CYFIP1: variants seen among roughly 807,000 people sequenced by gnomAD.
CYFIP1 encodes cytoplasmic FMR1 interacting protein 1.
Under a neutral mutation model 163.5 loss-of-function variants are expected in CYFIP1, and 58 were observed. That is an observed-to-expected ratio of 0.35 (90% CI 0.29 to 0.44). CYFIP1 has a LOEUF of 0.44. Ranked by LOEUF, CYFIP1 falls within the 20% of genes least tolerant of loss-of-function variation. CYFIP1 has a pLI of 1.00. For synonymous variants in CYFIP1, 663 were observed against 660.7 expected (o/e 1.00, Z -0.05); for missense variants, 1,338 against 1,653.8 (o/e 0.81, Z 3.31).
rs575911227 is a variant in CYFIP1, at chr15:22,917,409, T to C, written c.1674+379A>G. ...GACCATGACACACGCAAGCAGCACC[T>C]CACAGTTTCCCACGCCCCATCTACA... On this transcript the variant is annotated intron_variant, in intron 15 of 30. Coordinates refer to ENST00000617928, the MANE Select transcript of CYFIP1 (RefSeq NM_014608.6). This position sits in a 1 kb window ranked among gnomAD's most constrained non-coding sequence, Gnocchi z 4.2. 6.9e-5 allele frequency: 52 copies of C among 753,612 alleles called. No individual in the cohort carries two copies. In the African/African-American group the frequency reaches 7.8e-4, roughly 11 times the overall value. The allele number at this position is 753,612 out of a possible 1,614,324, so 46.7% of individuals were successfully genotyped here.
chr15:22,910,687 A>C (rs754097602), intron 19 of CYFIP1, 50 bp downstream of exon 19: 4 of 1,605,662 alleles, frequency 2.5e-6, no homozygotes, highest in Non-Finnish European at 2.6e-6. Context: ...TGGGAATGTC[A>C]GATCAAATTA....
intron 22 of CYFIP1, among the ~76,000 whole-genome samples, chr15:22,900,824 T>G (rs2060372854): frequency 6.6e-6 from 1 of 152,026 alleles, no homozygotes; most frequent in African/African-American, 2.4e-5. Flanking sequence ...CAGTAATGGA[T>G]AATCCTTAGT....
rs551722117 is a variant in CYFIP1 at position 22,869,531 on chromosome 15, G to A, written c.*497C>T. ...GTCACGTTAGATTTTGTCACAACTG[G>A]ATTTAGTGGAAGCAGGGGAATCAAG... On this transcript the variant is annotated 3_prime_UTR_variant, in exon 31 of 31. Coordinates refer to ENST00000617928, the MANE Select transcript of CYFIP1 (RefSeq NM_014608.6). 6.6e-6 allele frequency: 1 copy of A among 152,360 alleles called. No individual in the cohort carries two copies. The highest frequency in any genetic ancestry group is 2.4e-5 in the African/African-American group (1 of 41,426). The allele number at this position is 152,360 out of a possible 1,614,324, so 9.4% of individuals were successfully genotyped here.
chr15:22,950,162 A>G lies in CYFIP1; in HGVS notation c.-6-2871T>C, dbSNP rs550334207. Among the ~76,000 whole-genome samples the G allele has an allele frequency of 3.3e-4, 51 of 152,338 alleles. 3 individuals carry two copies. The South Asian group carries it at 9.3e-3, about 28-fold the overall frequency. ...TGAATCGAAACACATTGATAATTAC[A>G]CTATCATAATAATCTAAAAACACCA... On this transcript the variant is annotated intron_variant, in intron 1 of 30. Transcript: ENST00000617928.
At chr15:22,960,892 G>C (rs926043153) in intron 1 of CYFIP1, among the ~76,000 whole-genome samples, 2 of 152,218 alleles carry the variant, frequency 1.3e-5, no homozygotes, top group Non-Finnish European at 2.9e-5. Flanking sequence ...TCCTACGGGG[G>C]CCCACGAACA....
intron 10 of CYFIP1, 105 bp downstream of exon 10, chr15:22,933,697 G>T: frequency 1.3e-6 from 1 of 773,334 alleles, no homozygotes. Context: ...TCCAGGCTGA[G>T]AATGTTAACA....
intron 3 of CYFIP1, among the ~76,000 whole-genome samples, chr15:22,946,351 G>A (rs1367128619): frequency 2.0e-5 from 3 of 151,766 alleles, no homozygotes; most frequent in Non-Finnish European, 4.4e-5. Flanking sequence ...CCATTAAAAT[G>A]CAGAACTAGC....
chr15:22,892,871 C>A lies in CYFIP1; in HGVS notation c.2676+19G>T. ...CATTATGAGCTTCAAGCTCGTAACA[C>A]GAACACATTGGAGCCTACCTTGGAT... On this transcript the variant is annotated intron_variant, in intron 23 of 30. Transcript: ENST00000617928. 1 of 1,587,972 alleles carries A rather than the reference C, an allele frequency of 6.3e-7. No individual in the cohort carries two copies. Among genetic ancestry groups the A allele is most frequent in the African/African-American group, 1.3e-5 (1 of 74,394 alleles).
At chr15:22,879,683 CGTT>C (rs2059693645) in intron 26 of CYFIP1, among the ~76,000 whole-genome samples, 1 of 149,658 alleles carries the variant, frequency 6.7e-6, no homozygotes. Flanking sequence ...AGTTTTATGA[CGTT>C]AACACAGAAA....
At chr15:22,979,130 C>CTATA (rs1435187808) in intron 1 of CYFIP1, among the ~76,000 whole-genome samples, 1 of 152,202 alleles carries the variant, frequency 6.6e-6, no homozygotes, top group African/African-American at 2.4e-5. Context: ...GGCACCGGCA[C>CTATA]TATATCCCTA....
intron 1 of CYFIP1, among the ~76,000 whole-genome samples, chr15:22,951,048 TCAGTA>T (rs1360840294): frequency 6.6e-6 from 1 of 152,196 alleles, no homozygotes; most frequent in Non-Finnish European, 1.5e-5. Context: ...TACGCAGGGT[TCAGTA>T]CAGTCTCCAG....
At chr15:22,893,079 G>C in intron 22 of CYFIP1, 102 bp from the exon 23 acceptor site, 1 of 788,890 alleles carries the variant, frequency 1.3e-6, no homozygotes, top group Non-Finnish European at 2.1e-6. Context: ...CTTCCTCCCA[G>C]TCAACTGATA....
At chr15:22,980,834 T>C (rs989179890), upstream of CYFIP1, among the ~76,000 whole-genome samples, 2 of 151,700 alleles carry the variant, frequency 1.3e-5, no homozygotes, top group Non-Finnish European at 2.9e-5. Context: ...GGGTCCCAGC[T>C]GCAGGTCGGC....
intron 17 of CYFIP1, among the ~76,000 whole-genome samples, chr15:22,913,527 CAAAAAAAAAAAAAA>C (rs35228444): frequency 9.7e-5 from 1 of 10,286 alleles, no homozygotes; most frequent in Non-Finnish European, 1.7e-4. Flanking sequence ...GGCTCTGTCT[CAAAAAAAAAAAAAA>C]AAAAAAAAAA....
At chr15:22,953,782 G>A (rs2062341752) in intron 1 of CYFIP1, among the ~76,000 whole-genome samples, 2 of 152,218 alleles carry the variant, frequency 1.3e-5, no homozygotes, top group Non-Finnish European at 1.5e-5. Context: ...AGGGCCTGGT[G>A]CAGTGGCTCA....
intron 30 of CYFIP1, among the ~76,000 whole-genome samples, chr15:22,870,989 T>G (rs4778438): frequency 0.097 from 14,672 of 151,812 alleles, 1,144 homozygotes; most frequent in African/African-American, 0.21. Flanking sequence ...AGCCAGGGCC[T>G]CCTCAGGGGC....
intron 12 of CYFIP1, among the ~76,000 whole-genome samples, chr15:22,927,483 CAAAAAAAAAAAA>C (rs1188331935): frequency 1.7e-5 from 1 of 57,492 alleles, no homozygotes; most frequent in Non-Finnish European, 3.5e-5. Flanking sequence ...AACTCCGTCT[CAAAAAAAAAAAA>C]AAAAAAAAAA....
intron 8 of CYFIP1, among the ~76,000 whole-genome samples, chr15:22,937,764 G>A (rs942321078): frequency 6.6e-6 from 1 of 151,842 alleles, no homozygotes; most frequent in African/African-American, 2.4e-5. Flanking sequence ...ACCACGCCTG[G>A]CTAATTTTTT....
chr15:22,890,316 A>G (rs925159946), intron 23 of CYFIP1, among the ~76,000 whole-genome samples: 1 of 151,940 alleles, frequency 6.6e-6, no homozygotes, highest in African/African-American at 2.4e-5. Context: ...TCTCAAAAAA[A>G]AAAAAAAAAA....
Sources: allele counts gnomAD v4.1 joint callset (sites outside exome capture counted in the v4.1 genomes callset), GRCh38; gene constraint gnomAD v4.1.1; non-coding constraint Gnocchi (gnomAD v3.1); transcripts MANE v1.5; gene names NCBI Gene and HGNC (gene_info 2026-07-23, HGNC 2026-07-21).